Variants in HYDIN observed in about 807,000 individuals in gnomAD.
HYDIN encodes axonemal central pair apparatus protein HYDIN.
HYDIN carries 132 observed loss-of-function variants against 403.9 expected under a neutral mutation model. The observed-to-expected ratio is 0.33, with a 90% confidence interval of 0.28 to 0.38. The LOEUF is 0.38. Ranked by LOEUF, HYDIN falls within the 10% of genes least tolerant of loss-of-function variation. HYDIN has a pLI of 1.00. For missense variants in HYDIN, 2,827 were observed against 5,009.5 expected (o/e 0.56, Z 13.15); for synonymous variants, 1,202 against 1,891.7 (o/e 0.64, Z 9.46).
intron 67 of HYDIN, chr16:70,865,452 T>A (rs1376311470): frequency 2.6e-6 from 1 of 387,742 alleles, no homozygotes; most frequent in Non-Finnish European, 5.1e-6. Context: ...CATGGCATCC[T>A]TGAGTCCCTG....
rs2077497323 is a variant in HYDIN, at chr16:70,936,517, T to A, written c.6996-403A>T. ...GAGGCCCGCCTCCCATAGCTGAGCA[T>A]GTTTGCTGTTCAGAAAATAAGAATT... On this transcript the variant is annotated intron_variant, in intron 44 of 85. Transcript: ENST00000393567. 1.9e-5 allele frequency among the ~76,000 whole-genome samples: 2 copies of A among 105,848 alleles called. 1 individual carries two copies. The highest frequency in any genetic ancestry group is 1.8e-4 in the Admixed American group (2 of 11,302). 69.4% of individuals were successfully genotyped at this position (105,848 alleles called of 152,430 possible).
At chr16:71,191,686 C>A (rs538457298) in intron 1 of HYDIN, among the ~76,000 whole-genome samples, 1 of 152,098 alleles carries the variant, frequency 6.6e-6, no homozygotes, top group Non-Finnish European at 1.5e-5. Context: ...GCTCTCTTCC[C>A]GGCAGCTATT....
chr16:71,130,468 C>T (rs896641997), intron 8 of HYDIN, among the ~76,000 whole-genome samples: 5 of 130,398 alleles, frequency 3.8e-5, no homozygotes, highest in East Asian at 2.3e-4. Flanking sequence ...CCATATATAC[C>T]GGTTTTTTTT....
intron 27 of HYDIN, among the ~76,000 whole-genome samples, chr16:70,986,716 G>C (rs2079203059): frequency 7.1e-6 from 1 of 141,332 alleles, no homozygotes. Flanking sequence ...ATTATATTAT[G>C]GCAAAGACTA....
intron 1 of HYDIN, among the ~76,000 whole-genome samples, chr16:71,205,131 G>A (rs1038540581): frequency 5.3e-5 from 8 of 152,142 alleles, no homozygotes; most frequent in African/African-American, 1.4e-4. Context: ...GATAGAAGTC[G>A]GACGCTACAA....
chr16:71,215,657 C>G (rs1342802846), intron 1 of HYDIN, among the ~76,000 whole-genome samples: 3 of 151,396 alleles, frequency 2.0e-5, no homozygotes, highest in Non-Finnish European at 4.4e-5. Context: ...CACTTGAGCC[C>G]AGGAGTTTGA....
intron 12 of HYDIN, chr16:71,087,847 G>A (rs1244024258): frequency 6.5e-6 from 1 of 154,148 alleles, no homozygotes; most frequent in East Asian, 1.9e-4. Context: ...AATAGAGTCA[G>A]AGCAACGTGT....
chr16:70,902,914 A>G (rs957730124), intron 52 of HYDIN, among the ~76,000 whole-genome samples: 6 of 134,716 alleles, frequency 4.5e-5, no homozygotes, highest in Non-Finnish European at 6.2e-5. Flanking sequence ...TTGTCCCACT[A>G]TTTACCGGGG....
intron 44 of HYDIN, among the ~76,000 whole-genome samples, chr16:70,936,694 C>T (rs1294004966): frequency 3.3e-5 from 5 of 151,130 alleles, no homozygotes; most frequent in South Asian, 2.1e-4. Context: ...CCAACATGCC[C>T]GGCTAACTTG....
rs1266853012 is a variant in HYDIN, at chr16:70,832,872, G to A, written c.13875C>T (p.Cys4625=). 44 of 1,613,476 alleles carry A rather than the reference G, an allele frequency of 2.7e-5. No homozygotes were observed. Among genetic ancestry groups the A allele is most frequent in the Non-Finnish European group, 3.4e-5 (40 of 1,179,722 alleles). ...SPLSLTLSGV[C]VGPPAVKEVV... Reference sequence around the variant, plus strand: ...CCTCTTTTACCGCAGGTGGTCCCACGCAGACTCCAGACAGGGTTAGACTCA... The same window carrying A: ...CCTCTTTTACCGCAGGTGGTCCCACACAGACTCCAGACAGGGTTAGACTCA... The change falls in exon 80 of 86, where the codon TGC becomes TGT. Residue 4625 remains cysteine (C), a synonymous_variant. Coordinates refer to ENST00000393567, the MANE Select transcript of HYDIN (RefSeq NM_001270974.2).
chr16:71,225,543 C>T (rs1245826492), intron 1 of HYDIN, among the ~76,000 whole-genome samples: 1 of 152,176 alleles, frequency 6.6e-6, no homozygotes, highest in Non-Finnish European at 1.5e-5. Flanking sequence ...CCGGCCCTAT[C>T]TCTGGACAGT....
intron 41 of HYDIN, among the ~76,000 whole-genome samples, chr16:70,945,436 T>C (rs1417498422): frequency 6.6e-6 from 1 of 152,162 alleles, no homozygotes; most frequent in African/African-American, 2.4e-5. Context: ...CGAGAGAGAT[T>C]GAAAGGATAC....
chr16:71,031,501 G>T (rs879188057), intron 19 of HYDIN, 178 bp downstream of exon 19: 11 of 1,324,972 alleles, frequency 8.3e-6, no homozygotes, highest in Non-Finnish European at 1.1e-5. Flanking sequence ...GTTATGGCTA[G>T]AAAATGTCTT....
chr16:70,857,970 G>A, intron 71 of HYDIN, 100 bp from the exon 72 acceptor site: 1 of 1,143,486 alleles, frequency 8.7e-7, no homozygotes, highest in Admixed American at 2.9e-5. Flanking sequence ...GAGAGTTGAT[G>A]TTACCAGGCT....
At chr16:71,181,207 A>G (rs531323970) in intron 3 of HYDIN, among the ~76,000 whole-genome samples, 123 of 151,516 alleles carry the variant, frequency 8.1e-4, no homozygotes, top group Non-Finnish European at 1.6e-3. Context: ...AAAAAAAAAA[A>G]TCCCAGCAGT....
At chr16:70,839,488 A>G in intron 76 of HYDIN, among the ~76,000 whole-genome samples, 1 of 144,234 alleles carries the variant, frequency 6.9e-6, no homozygotes, top group South Asian at 2.2e-4. Flanking sequence ...GCTATAGGCC[A>G]CCATATTGGA....
intron 23 of HYDIN, among the ~76,000 whole-genome samples, chr16:71,012,847 C>CTTTTTT (rs35998725): frequency 8.0e-6 from 1 of 125,776 alleles, no homozygotes. Context: ...AACCAGGTGG[C>CTTTTTT]TTTTTTTTTT....
In HYDIN at chr16:71,064,918, T is replaced by C. The variant is rs2082208717; in HGVS notation, c.2076-78A>G. The C allele has an allele frequency of 5.9e-6, 9 of 1,530,318 alleles. No homozygotes were observed. In the South Asian group the frequency reaches 6.1e-5, roughly 10 times the overall value. The allele number at this position is 1,530,318 out of a possible 1,614,324, so 94.8% of individuals were successfully genotyped here. A position where few individuals can be genotyped will look rare whatever the true frequency, so the allele number is the denominator to read the frequency against. ...AGAAAACGCAGAGCCCCAAGCGAGA[T>C]ACATTTGTCAGTGTCACATAGTAGT... On this transcript the variant is annotated intron_variant, in intron 15 of 85. Coordinates refer to ENST00000393567, the MANE Select transcript of HYDIN (RefSeq NM_001270974.2).
intron 1 of HYDIN, among the ~76,000 whole-genome samples, chr16:71,206,273 C>A (rs2088294808): frequency 6.6e-6 from 1 of 152,138 alleles, no homozygotes; most frequent in East Asian, 1.9e-4. Flanking sequence ...GCCCTGTAGA[C>A]CAGAATATCC....
Sources: gnomAD v4.1 joint callset for allele counts (sites outside exome capture counted in the v4.1 genomes callset) on GRCh38, gnomAD v4.1.1 for gene constraint, MANE v1.5 for transcripts, NCBI Gene and HGNC (gene_info 2026-07-23, HGNC 2026-07-21) for gene names.